USH2A: variants seen among roughly 807,000 people sequenced by gnomAD.
The protein encoded by USH2A is usherin, also known as Usher syndrome 2A (autosomal recessive, mild).
Under a neutral mutation model 538.9 loss-of-function variants are expected in USH2A, and 443 were observed. That is an observed-to-expected ratio of 0.82 (90% CI 0.76 to 0.89). The LOEUF (loss-of-function observed/expected upper bound fraction) is 0.89. USH2A is among the 40% of genes least tolerant of loss of function. USH2A has a pLI of 0.00. For missense variants in USH2A, 6,633 were observed against 6,324.8 expected, an observed-to-expected ratio of 1.05 and a Z score of -1.65; for synonymous variants, 2,413 against 2,273.5, an observed-to-expected ratio of 1.06 and a Z score of -1.75.
At chr1:216,098,387 T>C (rs1427871478) in intron 21 of USH2A, among the ~76,000 whole-genome samples, 1 of 152,098 alleles carries the variant, frequency 6.6e-6, no homozygotes, top group Non-Finnish European at 1.5e-5. Flanking sequence ...AAGAACACAA[T>C]AGTGAATAAT....
intron 19 of USH2A, among the ~76,000 whole-genome samples, chr1:216,191,092 T>C (rs2034707363): frequency 6.6e-6 from 1 of 152,046 alleles, no homozygotes; most frequent in South Asian, 2.1e-4. Context: ...GGTTCTGTCA[T>C]TATAATTTGA....
intron 45 of USH2A, 46 bp downstream of exon 45, chr1:215,845,778 T>G: frequency 6.3e-7 from 1 of 1,585,338 alleles, no homozygotes; most frequent in Non-Finnish European, 8.6e-7. Context: ...ATCAATCAAT[T>G]TCATTCGCAT....
chr1:215,988,214 C>T (rs1182083632), intron 35 of USH2A, among the ~76,000 whole-genome samples: 3 of 151,924 alleles, frequency 2.0e-5, no homozygotes, highest in East Asian at 1.9e-4. Flanking sequence ...CCTTGGTAAC[C>T]GTAATTCTAA....
chr1:216,239,848 T>G (rs533582004), intron 13 of USH2A, among the ~76,000 whole-genome samples: 45 of 152,090 alleles, frequency 3.0e-4, no homozygotes, highest in Admixed American at 2.4e-3. Context: ...AGAATTGGTT[T>G]TATTAGATGA....
chr1:216,093,201 G>T (rs995497987), intron 22 of USH2A, among the ~76,000 whole-genome samples: 2 of 151,926 alleles, frequency 1.3e-5, no homozygotes, highest in Non-Finnish European at 2.9e-5. Flanking sequence ...CTGACCTTGT[G>T]ATCCACCCGC....
Position 215,626,346 on chromosome 1 carries a change from TA to T in USH2A, c.15520-477del, listed in dbSNP as rs201163597. 5.8e-3 allele frequency among the ~76,000 whole-genome samples: 870 copies of T among 151,052 alleles called. 21 individuals are homozygous for T. In the South Asian group the frequency reaches 0.063, roughly 11 times the overall value. Reference sequence around the variant, plus strand: ...GTATGTATGTATATAGTATTTTTAGTAGAGATGGGGTTTCACCATGTTGGCC... The same window carrying T: ...GTATGTATGTATATAGTATTTTTAGTGAGATGGGGTTTCACCATGTTGGCC... On this transcript the variant is annotated intron_variant, in intron 71 of 71. Coordinates refer to ENST00000307340, the MANE Select transcript of USH2A (RefSeq NM_206933.4).
chr1:215,664,625 T>C (rs1371513306), intron 64 of USH2A, among the ~76,000 whole-genome samples: 2 of 152,212 alleles, frequency 1.3e-5, no homozygotes, highest in Non-Finnish European at 2.9e-5. Flanking sequence ...TGCTTCCTTT[T>C]ATAGATGAGT....
intron 21 of USH2A, among the ~76,000 whole-genome samples, chr1:216,102,842 T>C (rs2032624349): frequency 6.6e-6 from 1 of 152,102 alleles, no homozygotes; most frequent in Non-Finnish European, 1.5e-5. Context: ...TTGATATATG[T>C]ATGTTTTCAT....
At chr1:216,223,048 T>C (rs1331307073) in intron 14 of USH2A, among the ~76,000 whole-genome samples, 1 of 151,890 alleles carries the variant, frequency 6.6e-6, no homozygotes, top group East Asian at 1.9e-4. Context: ...AATGTTTTTT[T>C]TTTTCCTAGA....
At chr1:215,938,947 A>C (rs1200672315) in intron 37 of USH2A, among the ~76,000 whole-genome samples, 6 of 152,192 alleles carry the variant, frequency 3.9e-5, no homozygotes. Flanking sequence ...GGGTGCTGGG[A>C]TCACTAGCTT....
At chr1:216,042,363 T>C (rs535451553) in intron 32 of USH2A, among the ~76,000 whole-genome samples, 1 of 152,126 alleles carries the variant, frequency 6.6e-6, no homozygotes, top group Non-Finnish European at 1.5e-5. Context: ...TAATTAAAGA[T>C]ATTATCAATT....
intron 64 of USH2A, among the ~76,000 whole-genome samples, chr1:215,656,310 G>A (rs1016935624): frequency 2.0e-5 from 3 of 151,876 alleles, no homozygotes; most frequent in Non-Finnish European, 2.9e-5. Context: ...TTCCTTTATG[G>A]TATCATAAGA....
intron 3 of USH2A, among the ~76,000 whole-genome samples, chr1:216,382,983 T>C (rs956027692): frequency 1.3e-5 from 2 of 152,108 alleles, no homozygotes; most frequent in African/African-American, 4.8e-5. Context: ...GACCTGAATA[T>C]TCAGCTAAGA....
At chr1:215,858,725 C>T (rs996193942) in intron 44 of USH2A, among the ~76,000 whole-genome samples, 1 of 151,860 alleles carries the variant, frequency 6.6e-6, no homozygotes, top group African/African-American at 2.4e-5. Context: ...TTAGTTGCAA[C>T]CTCCAATCCT....
chr1:215,823,975 T>C (rs1663086364), intron 47 of USH2A, among the ~76,000 whole-genome samples: 1 of 152,108 alleles, frequency 6.6e-6, no homozygotes. Flanking sequence ...TCCTTAAAAC[T>C]GTTTGAATTC....
chr1:215,885,853 T>A (rs1471923927), intron 41 of USH2A, among the ~76,000 whole-genome samples: 3 of 152,240 alleles, frequency 2.0e-5, no homozygotes, highest in Non-Finnish European at 4.4e-5. Flanking sequence ...ATACCAACTC[T>A]GCTCCTTGTA....
intron 37 of USH2A, among the ~76,000 whole-genome samples, chr1:215,961,434 G>T (rs1182282007): frequency 6.6e-6 from 1 of 151,348 alleles, no homozygotes; most frequent in African/African-American, 2.4e-5. Flanking sequence ...AGAAAAACCC[G>T]ACAGTATAAA....
At chr1:215,724,673 A>G (rs1461735972) in intron 61 of USH2A, among the ~76,000 whole-genome samples, 3 of 152,224 alleles carry the variant, frequency 2.0e-5, no homozygotes, top group African/African-American at 7.2e-5. Context: ...CAGCTGCAAG[A>G]AGCTTAAAAA....
chr1:215,808,039 C>G (rs542642250), intron 49 of USH2A, among the ~76,000 whole-genome samples: 1 of 152,020 alleles, frequency 6.6e-6, no homozygotes, highest in Non-Finnish European at 1.5e-5. Flanking sequence ...GATATGGAGC[C>G]AGGCAGTTTG....
Sources: allele counts gnomAD v4.1 joint callset (sites outside exome capture counted in the v4.1 genomes callset), GRCh38; gene constraint gnomAD v4.1.1; transcripts MANE v1.5; gene names NCBI Gene and HGNC (gene_info 2026-07-23, HGNC 2026-07-21).